Variants in PTPRC observed in about 807,000 individuals in gnomAD.
PTPRC encodes protein tyrosine phosphatase receptor type C, also known as receptor-type tyrosine-protein phosphatase C.
A neutral mutation model predicts 155.9 loss-of-function variants in PTPRC; 44 were observed. The ratio of observed to expected loss-of-function variants is 0.28; its 90% CI spans 0.22 to 0.36. The LOEUF (loss-of-function observed/expected upper bound fraction) is 0.36, where lower values mean the gene tolerates loss of function less well. Ranked by LOEUF, PTPRC falls within the 10% of genes least tolerant of loss-of-function variation. The probability of loss-of-function intolerance (pLI) is 1.00; values close to 1 mark genes in which losing one functional copy is unlikely to be tolerated. For missense variants in PTPRC, 1,401 were observed against 1,564.6 expected (o/e 0.90, Z 1.76); for synonymous variants, 525 against 533.1 (o/e 0.98, Z 0.21).
intron 2 of PTPRC, among the ~76,000 whole-genome samples, chr1:198,645,067 T>C (rs1038366500): frequency 4.6e-5 from 7 of 151,732 alleles, no homozygotes; most frequent in East Asian, 1.9e-4. Context: ...CCCTCCAAAA[T>C]AGGGATTTGC....
chr1:198,646,610 G>A lies in PTPRC; in HGVS notation c.73+7269G>A, dbSNP rs533662084. 3.9e-5 allele frequency among the ~76,000 whole-genome samples: 6 copies of A among 151,930 alleles called. No individual in the cohort carries two copies. In the South Asian group the frequency reaches 1.0e-3, roughly 26 times the overall value. On this transcript the variant is annotated intron_variant, in intron 2 of 32. Transcript: ENST00000442510. ...TGAAATTTCTATCAGTGACATTAATGTGGAGATTGACAGCTCTTTGAGCTA... is the reference window on the plus strand; with the variant it reads ...TGAAATTTCTATCAGTGACATTAATATGGAGATTGACAGCTCTTTGAGCTA...
intron 20 of PTPRC, 22 bp from the exon 21 acceptor site, chr1:198,734,174 T>A: frequency 6.2e-7 from 1 of 1,606,022 alleles, no homozygotes; most frequent in Non-Finnish European, 8.5e-7. Flanking sequence ...AAATGACATA[T>A]CTCTGCATGT....
intron 2 of PTPRC, among the ~76,000 whole-genome samples, chr1:198,683,355 C>T (rs1354132879): frequency 1.3e-5 from 2 of 152,026 alleles, no homozygotes; most frequent in African/African-American, 4.8e-5. Flanking sequence ...CGTAACCTAT[C>T]CTAGAGGAAG....
intron 3 of PTPRC, chr1:198,693,295 A>G: frequency 2.4e-6 from 1 of 417,494 alleles, no homozygotes; most frequent in Non-Finnish European, 3.2e-6. Context: ...AAGAAGGTCT[A>G]ACACAATTTT....
At chr1:198,661,311 ATTAT>A (rs1225675413) in intron 2 of PTPRC, among the ~76,000 whole-genome samples, 1 of 149,576 alleles carries the variant, frequency 6.7e-6, no homozygotes, top group Non-Finnish European at 1.5e-5. Context: ...AAAATATTTA[ATTAT>A]TTATTAAATA....
chr1:198,703,731 G>A (rs951902672), intron 7 of PTPRC: 10 of 303,222 alleles, frequency 3.3e-5, no homozygotes, highest in African/African-American at 1.5e-4. Context: ...CAGAGTTCCC[G>A]TTAAGCAGTG....
chr1:198,683,109 A>G (rs1365430736), intron 2 of PTPRC, among the ~76,000 whole-genome samples: 1 of 152,176 alleles, frequency 6.6e-6, no homozygotes, highest in African/African-American at 2.4e-5. Flanking sequence ...TTAGCCTTGC[A>G]TACACGTTTT....
At chr1:198,692,813 G>C in intron 3 of PTPRC, 2 of 906,412 alleles carry the variant, frequency 2.2e-6, no homozygotes, top group Non-Finnish European at 2.6e-6. Context: ...TTTTTCAATG[G>C]TATGCAAAAC....
chr1:198,725,684 G>T (rs1654100573), intron 15 of PTPRC, among the ~76,000 whole-genome samples: 1 of 151,918 alleles, frequency 6.6e-6, no homozygotes, highest in Non-Finnish European at 1.5e-5. Flanking sequence ...TCTCCTCCCT[G>T]GTAGTATTTT....
intron 4 of PTPRC, 84 bp from the exon 5 acceptor site, chr1:198,699,480 C>T (rs1418053620): frequency 6.7e-7 from 1 of 1,493,496 alleles, no homozygotes; most frequent in Admixed American, 1.7e-5. Context: ...ACTATAATCG[C>T]AATTTGCTCC....
In PTPRC at chr1:198,719,162, A is replaced by C. The variant is rs12085622; in HGVS notation, c.1659+860A>C. On this transcript the variant is annotated intron_variant, in intron 14 of 32. Coordinates refer to ENST00000442510, the MANE Select transcript of PTPRC (RefSeq NM_002838.5). ...GGATATGTAACTTTTTTTTTCTATA[A>C]AATTTACCAAATTGCCCTGGTGTAT... 4.9e-3 allele frequency among the ~76,000 whole-genome samples: 752 copies of C among 152,142 alleles called. 6 individuals carry two copies. The highest frequency in any genetic ancestry group is 0.017 in the African/African-American group (723 of 41,514).
At position 198,732,330 on chromosome 1, in the gene PTPRC, A is replaced by C. The variant is rs779332137; in HGVS notation, c.2005A>C (p.Ile669Leu). The part of the protein sequence containing the change: ...SIPRVFSKFP[I>L]KEARKPFNQN... ...CCCGCGGGTGTTCAGCAAGTTTCCT[A>C]TAAAGGAAGCTCGAAAGCCCTTTAA... Residue 669 changes from isoleucine to leucine, a missense_variant, in exon 19 of 33, where the codon ATA becomes CTA. Ile to Leu is a conservative substitution (Grantham distance 5, BLOSUM62 2). Coordinates refer to ENST00000442510, the MANE Select transcript of PTPRC (RefSeq NM_002838.5). 3.1e-6 allele frequency: 5 copies of C among 1,612,496 alleles called. No homozygotes were observed. Among genetic ancestry groups the C allele is most frequent in the Non-Finnish European group, 4.2e-6 (5 of 1,179,088 alleles).
intron 10 of PTPRC, 126 bp from the exon 11 acceptor site, chr1:198,709,561 G>T (rs1309309318): frequency 1.3e-5 from 11 of 832,874 alleles, no homozygotes; most frequent in Middle Eastern, 8.4e-4. Flanking sequence ...TATTATTTTG[G>T]TAATTTCCAC....
At chr1:198,706,086 T>C (rs12125363) in intron 8 of PTPRC, among the ~76,000 whole-genome samples, 6,316 of 152,288 alleles carry the variant, frequency 0.041, 228 homozygotes, top group African/African-American at 0.093. Flanking sequence ...ATGTCTTACA[T>C]ATGACAAGGG....
chr1:198,684,111 A>C (rs571054688), intron 2 of PTPRC, among the ~76,000 whole-genome samples: 13 of 151,858 alleles, frequency 8.6e-5, no homozygotes, highest in African/African-American at 2.9e-4. Context: ...GGAAGCGATA[A>C]AATTTTCCCC....
At chr1:198,733,353 G>A (rs1213236154) in intron 20 of PTPRC, among the ~76,000 whole-genome samples, 3 of 151,638 alleles carry the variant, frequency 2.0e-5, no homozygotes, top group Non-Finnish European at 4.4e-5. Flanking sequence ...GAAAGCATGT[G>A]TCTTCTGCTT....
intron 31 of PTPRC, 91 bp from the exon 32 acceptor site, chr1:198,754,178 A>AAAAT: frequency 1.4e-6 from 2 of 1,435,268 alleles, no homozygotes; most frequent in South Asian, 1.2e-5. Flanking sequence ...CATGAAGCAA[A>AAAAT]AAATATATTC....
At chr1:198,719,237 C>G (rs1327620966) in intron 14 of PTPRC, among the ~76,000 whole-genome samples, 1 of 151,750 alleles carries the variant, frequency 6.6e-6, no homozygotes, top group Non-Finnish European at 1.5e-5. Flanking sequence ...ACTGAATACG[C>G]CTTTCTTTTT....
chr1:198,688,859 C>A (rs2102357200), intron 2 of PTPRC, among the ~76,000 whole-genome samples: 1 of 152,204 alleles, frequency 6.6e-6, no homozygotes, highest in African/African-American at 2.4e-5. Context: ...GAGAGCATGG[C>A]CTGTAAAGTC....
Sources: allele counts gnomAD v4.1 joint callset (sites outside exome capture counted in the v4.1 genomes callset), GRCh38; gene constraint gnomAD v4.1.1; transcripts MANE v1.5; gene names NCBI Gene and HGNC (gene_info 2026-07-23, HGNC 2026-07-21).